Variants in ZBTB7C observed in about 807,000 individuals in gnomAD.
The protein encoded by ZBTB7C is zinc finger and BTB domain containing 7C.
In ZBTB7C, 8 loss-of-function variants were observed where a neutral mutation model predicts 25.7. That is an observed-to-expected ratio of 0.31 (90% CI 0.18 to 0.56). ZBTB7C has a LOEUF of 0.56. Ranked by LOEUF, ZBTB7C falls within the 20% of genes least tolerant of loss-of-function variation. The probability of loss-of-function intolerance (pLI) is 0.91; values close to 1 mark genes in which losing one functional copy is unlikely to be tolerated. For synonymous variants in ZBTB7C, 394 were observed against 369.0 expected (o/e 1.07, Z -0.78); for missense variants, 824 against 855.2 (o/e 0.96, Z 0.46).
intron 1 of ZBTB7C, among the ~76,000 whole-genome samples, chr18:48,385,900 C>T (rs879771110): frequency 6.6e-6 from 1 of 152,204 alleles, no homozygotes; most frequent in Non-Finnish European, 1.5e-5. Flanking sequence ...TTCAGCTGCC[C>T]TGATTCCATG....
intron 2 of ZBTB7C, among the ~76,000 whole-genome samples, chr18:48,330,491 C>G (rs1256822411): frequency 1.3e-5 from 2 of 152,282 alleles, no homozygotes; most frequent in East Asian, 3.9e-4. Context: ...CACCTCCACT[C>G]AAGTCACCAC....
chr18:48,329,611 G>A (rs2046299942), intron 2 of ZBTB7C, among the ~76,000 whole-genome samples: 1 of 152,126 alleles, frequency 6.6e-6, no homozygotes, highest in Non-Finnish European at 1.5e-5. Context: ...TGTCTTCTGG[G>A]TGCAGTTTAT....
chr18:48,213,033 G>A (rs1352037205), intron 2 of ZBTB7C, among the ~76,000 whole-genome samples: 1 of 151,860 alleles, frequency 6.6e-6, no homozygotes, highest in Non-Finnish European at 1.5e-5. Flanking sequence ...ACCGGCGAGA[G>A]AATCTGTTTT....
intron 3 of ZBTB7C, among the ~76,000 whole-genome samples, chr18:48,090,489 A>G (rs1244536492): frequency 1.3e-5 from 2 of 152,208 alleles, no homozygotes; most frequent in Non-Finnish European, 2.9e-5. Flanking sequence ...AGAACAAACC[A>G]AGTCCTCCGT....
chr18:48,323,438 G>T (rs2046144164), intron 2 of ZBTB7C, among the ~76,000 whole-genome samples: 3 of 152,178 alleles, frequency 2.0e-5, no homozygotes. Flanking sequence ...TAGGCAACTT[G>T]CTCAGGAGCA....
intron 1 of ZBTB7C, among the ~76,000 whole-genome samples, chr18:48,403,846 G>A (rs1290382529): frequency 6.6e-6 from 1 of 151,966 alleles, no homozygotes; most frequent in Non-Finnish European, 1.5e-5. Context: ...AAAATAAAAA[G>A]GGCCCCTGAA....
At chr18:48,043,312 ATAG>A (rs2036335473) in intron 3 of ZBTB7C, among the ~76,000 whole-genome samples, 2 of 152,370 alleles carry the variant, frequency 1.3e-5, no homozygotes, top group Admixed American at 6.5e-5. Flanking sequence ...TTTGTGCACG[ATAG>A]TGAGTAACTG....
intron 1 of ZBTB7C, among the ~76,000 whole-genome samples, chr18:48,393,900 G>C (rs939367682): frequency 2.0e-5 from 3 of 152,106 alleles, no homozygotes; most frequent in Non-Finnish European, 4.4e-5. Flanking sequence ...GGTGCCTTTT[G>C]CAGCATTTAC....
At chr18:48,243,522 A>G (rs888469245) in intron 2 of ZBTB7C, among the ~76,000 whole-genome samples, 1 of 152,210 alleles carries the variant, frequency 6.6e-6, no homozygotes, top group Non-Finnish European at 1.5e-5. Flanking sequence ...AAGAAATCAT[A>G]GACAACACAA....
At chr18:48,251,341 A>G (rs991070817) in intron 2 of ZBTB7C, among the ~76,000 whole-genome samples, 4 of 152,240 alleles carry the variant, frequency 2.6e-5, no homozygotes, top group African/African-American at 7.2e-5. Context: ...TCTAACATTC[A>G]TACTAGGGGA....
intron 3 of ZBTB7C, among the ~76,000 whole-genome samples, chr18:48,066,406 GC>G (rs2037331905): frequency 6.6e-6 from 1 of 152,210 alleles, no homozygotes; most frequent in African/African-American, 2.4e-5. Context: ...TTATAACTGG[GC>G]TTTGATTTAA....
chr18:48,314,851 G>C (rs764455300), intron 2 of ZBTB7C, among the ~76,000 whole-genome samples: 6 of 152,132 alleles, frequency 3.9e-5, no homozygotes, highest in Non-Finnish European at 7.3e-5. Flanking sequence ...TTTTTAATGA[G>C]CCATTTTCCA....
intron 1 of ZBTB7C, among the ~76,000 whole-genome samples, chr18:48,355,979 G>A (rs1189264648): frequency 1.3e-5 from 2 of 152,168 alleles, no homozygotes; most frequent in Admixed American, 1.3e-4. Flanking sequence ...AGCATCCACA[G>A]CAGCAACAGG....
At chr18:48,283,829 A>G (rs1360129778) in intron 2 of ZBTB7C, among the ~76,000 whole-genome samples, 1 of 152,204 alleles carries the variant, frequency 6.6e-6, no homozygotes, top group African/African-American at 2.4e-5. Context: ...TATAAATATC[A>G]TGATCATGTT....
intron 3 of ZBTB7C, among the ~76,000 whole-genome samples, chr18:48,132,594 T>C (rs1251939321): frequency 6.6e-6 from 1 of 152,238 alleles, no homozygotes; most frequent in Non-Finnish European, 1.5e-5. Flanking sequence ...ATAAATTTTA[T>C]TGACTGTTTT....
At chr18:48,078,412 G>A (rs559689846) in intron 3 of ZBTB7C, among the ~76,000 whole-genome samples, 4 of 152,134 alleles carry the variant, frequency 2.6e-5, no homozygotes, top group Non-Finnish European at 4.4e-5. Context: ...GCCTCTGGGG[G>A]GCATACCTTC....
rs531858425 is a variant in ZBTB7C, at chr18:48,038,835, G to A, written c.1208+1065C>T. ...CATGTTCACAGGGCAGGCATCGCCA[G>A]GCTCTGTACACACAGGATACACTGA... On this transcript the variant is annotated intron_variant, in intron 4 of 4. Coordinates refer to ENST00000590800, the MANE Select transcript of ZBTB7C (RefSeq NM_001318841.2). 7.2e-5 allele frequency among the ~76,000 whole-genome samples: 11 copies of A among 152,292 alleles called. No individual in the cohort carries two copies. In the South Asian group the frequency reaches 2.3e-3, roughly 32 times the overall value.
chr18:48,084,750 T>G (rs1331911999), intron 3 of ZBTB7C, among the ~76,000 whole-genome samples: 1 of 152,236 alleles, frequency 6.6e-6, no homozygotes, highest in African/African-American at 2.4e-5. Flanking sequence ...ATGGGTCTCA[T>G]GCACCTCAGG....
chr18:48,324,996 TA>T (rs1355099466), intron 2 of ZBTB7C, among the ~76,000 whole-genome samples: 1 of 152,184 alleles, frequency 6.6e-6, no homozygotes, highest in Non-Finnish European at 1.5e-5. Flanking sequence ...TGGAGCTGTT[TA>T]CAGGACAGAG....
Sources: allele counts gnomAD v4.1 joint callset (sites outside exome capture counted in the v4.1 genomes callset), GRCh38; gene constraint gnomAD v4.1.1; transcripts MANE v1.5; gene names NCBI Gene and HGNC (gene_info 2026-07-23, HGNC 2026-07-21).